Variants in AGBL1 observed in about 807,000 individuals in gnomAD.
AGBL1 encodes AGBL carboxypeptidase 1.
A neutral mutation model predicts 118.9 loss-of-function variants in AGBL1; 130 were observed. That is an observed-to-expected ratio of 1.09 (90% CI 0.95 to 1.26). AGBL1 has a LOEUF of 1.26. AGBL1 is among the 50% of genes most tolerant of loss of function. AGBL1 has a pLI of 0.00. For missense variants in AGBL1, 1,584 were observed against 1,298.1 expected (o/e 1.22, Z -3.38); for synonymous variants, 555 against 478.9 (o/e 1.16, Z -2.08).
rs185840141 is a variant in AGBL1 at position 86,506,677 on chromosome 15, G to A, written c.2556-16133G>A. Among the ~76,000 whole-genome samples, 5 of 152,142 alleles carry A rather than the reference G, an allele frequency of 3.3e-5. No individual in the cohort carries two copies. In the East Asian group the frequency reaches 7.8e-4, roughly 24 times the overall value. Reference sequence around the variant, plus strand: ...CCCAGTAAAATGTAAATTCAGAACCGATGACAGAGTGAAAGGAGAAAACAA... The same window carrying A: ...CCCAGTAAAATGTAAATTCAGAACCAATGACAGAGTGAAAGGAGAAAACAA... On this transcript the variant is annotated intron_variant, in intron 18 of 22. Coordinates refer to ENST00000614907, the MANE Select transcript of AGBL1 (RefSeq NM_001386094.1).
intron 21 of AGBL1, among the ~76,000 whole-genome samples, chr15:86,562,548 T>C (rs2083841583): frequency 6.6e-6 from 1 of 152,230 alleles, no homozygotes; most frequent in Non-Finnish European, 1.5e-5. Flanking sequence ...GCTTTGCCAG[T>C]ATTTTATTGA....
At chr15:86,549,792 A>C (rs1412826573) in intron 20 of AGBL1, among the ~76,000 whole-genome samples, 2 of 150,080 alleles carry the variant, frequency 1.3e-5, no homozygotes, top group African/African-American at 4.9e-5. Flanking sequence ...ATATATATGG[A>C]AATTTGATGG....
chr15:86,605,487 T>C (rs927949283), intron 21 of AGBL1, among the ~76,000 whole-genome samples: 2 of 152,170 alleles, frequency 1.3e-5, no homozygotes, highest in Non-Finnish European at 2.9e-5. Context: ...CATTAACTTC[T>C]ACATTGAGGG....
At chr15:86,569,704 G>A (rs1182192457) in intron 21 of AGBL1, among the ~76,000 whole-genome samples, 1 of 152,116 alleles carries the variant, frequency 6.6e-6, no homozygotes, top group African/African-American at 2.4e-5. Flanking sequence ...ATATTAAAAG[G>A]AATTAAATAA....
intron 17 of AGBL1, among the ~76,000 whole-genome samples, chr15:86,330,825 ACAATTGAAAGC>A (rs1350909255): frequency 2.6e-5 from 4 of 152,244 alleles, no homozygotes; most frequent in African/African-American, 4.8e-5. Context: ...ATTTCAAAAT[ACAATTGAAAGC>A]TTTATAATAA....
chr15:86,864,683 G>C (rs187030338), intron 22 of AGBL1, among the ~76,000 whole-genome samples: 1 of 152,248 alleles, frequency 6.6e-6, no homozygotes, highest in Admixed American at 6.5e-5. Flanking sequence ...ATGTTTTATA[G>C]CAGGAAGGCA....
chr15:86,736,798 A>C (rs1385210816), intron 22 of AGBL1, among the ~76,000 whole-genome samples: 1 of 152,174 alleles, frequency 6.6e-6, no homozygotes, highest in African/African-American at 2.4e-5. Flanking sequence ...AGACATGCTT[A>C]TGAGGGTACC....
At chr15:86,144,184 T>G (rs1482288606) in intron 3 of AGBL1, among the ~76,000 whole-genome samples, 6 of 152,158 alleles carry the variant, frequency 3.9e-5, no homozygotes, top group African/African-American at 1.2e-4. Context: ...ATCACAAGGT[T>G]GTGGAGAAAA....
intron 5 of AGBL1, among the ~76,000 whole-genome samples, chr15:86,215,766 T>G (rs2078177906): frequency 6.6e-6 from 1 of 152,218 alleles, no homozygotes; most frequent in African/African-American, 2.4e-5. Context: ...GTTCTAAATC[T>G]AAAACATATC....
At chr15:86,375,059 C>G (rs1422440225) in intron 17 of AGBL1, among the ~76,000 whole-genome samples, 1 of 152,332 alleles carries the variant, frequency 6.6e-6, no homozygotes, top group South Asian at 2.1e-4. Context: ...CTTCTCTACT[C>G]AGCCACTTGG....
At chr15:86,551,566 C>T (rs2083663578) in intron 20 of AGBL1, among the ~76,000 whole-genome samples, 1 of 152,192 alleles carries the variant, frequency 6.6e-6, no homozygotes, top group Non-Finnish European at 1.5e-5. Context: ...GTAATTAAAA[C>T]TCTTCCCACA....
At chr15:86,658,099 A>T (rs552882953) in intron 21 of AGBL1, among the ~76,000 whole-genome samples, 101 of 152,184 alleles carry the variant, frequency 6.6e-4, no homozygotes, top group Admixed American at 3.3e-4. Context: ...TCATGTATTT[A>T]TGTATGTATA....
chr15:86,950,330 A>C (rs1467986356), intron 23 of AGBL1, among the ~76,000 whole-genome samples: 2 of 151,482 alleles, frequency 1.3e-5, no homozygotes, highest in Non-Finnish European at 1.5e-5. Flanking sequence ...AAAATAAAAT[A>C]ATATAAATAA....
intron 21 of AGBL1, among the ~76,000 whole-genome samples, chr15:86,664,317 G>T (rs1225609582): frequency 1.3e-5 from 2 of 152,168 alleles, no homozygotes; most frequent in African/African-American, 4.8e-5. Context: ...AAGCCACAGA[G>T]CCCATCCACC....
In AGBL1 at chr15:86,447,321, GAT is replaced by G. The variant is rs2082133260; in HGVS notation, c.2555+49776_2555+49777del. Among the ~76,000 whole-genome samples the G allele has an allele frequency of 4.6e-5, 7 of 152,330 alleles. 1 individual carries two copies. In the South Asian group the frequency reaches 1.4e-3, roughly 32 times the overall value. On this transcript the variant is annotated intron_variant, in intron 18 of 22. Transcript: ENST00000614907. The stretch of plus-strand genomic sequence containing the variant: ...TTTTCCTCTGAAGACAGTGGATAAA[GAT>G]GTGTGAGCCGCGGAATTGTAGTGGA...
intron 21 of AGBL1, among the ~76,000 whole-genome samples, 177 bp from the exon 22 acceptor site, chr15:86,674,096 A>G (rs1199460790): frequency 1.3e-5 from 2 of 152,166 alleles, no homozygotes; most frequent in Non-Finnish European, 2.9e-5. Flanking sequence ...ACACAGACTG[A>G]GAACCACCAC....
rs540817001 is a variant in AGBL1, at chr15:86,432,131, C to T, written c.2555+34585C>T. ...AGGACCTGGCATAAGGGCTTGAGTC[C>T]AGCTTGCCCTGGGATCCGACCTTCT... On this transcript the variant is annotated intron_variant, in intron 18 of 22. Coordinates refer to ENST00000614907, the MANE Select transcript of AGBL1 (RefSeq NM_001386094.1). 2.0e-5 allele frequency among the ~76,000 whole-genome samples: 3 copies of T among 152,306 alleles called. No homozygotes were observed. The South Asian group carries it at 6.2e-4, about 32-fold the overall frequency.
At chr15:86,609,380 T>TACC (rs2084627300) in intron 21 of AGBL1, among the ~76,000 whole-genome samples, 1 of 152,228 alleles carries the variant, frequency 6.6e-6, no homozygotes, top group African/African-American at 2.4e-5. Context: ...ATGTTTCAGA[T>TACC]ACCAAAGCTG....
intron 1 of AGBL1, among the ~76,000 whole-genome samples, chr15:86,111,266 A>G (rs1897364007): frequency 6.6e-6 from 1 of 152,192 alleles, no homozygotes; most frequent in African/African-American, 2.4e-5. Flanking sequence ...AATGGGAGAA[A>G]GGTGGGTAGT....
Sources: allele counts gnomAD v4.1 joint callset (sites outside exome capture counted in the v4.1 genomes callset), GRCh38; gene constraint gnomAD v4.1.1; transcripts MANE v1.5; gene names NCBI Gene and HGNC (gene_info 2026-07-23, HGNC 2026-07-21).